The following TPM3 variants were observed in gnomAD, a reference collection of about 807,000 sequenced individuals.
TPM3 encodes the protein tropomyosin alpha-3 chain.
Under a neutral mutation model 43.1 loss-of-function variants are expected in TPM3, and 16 were observed. That is an observed-to-expected ratio of 0.37 (90% confidence interval 0.25 to 0.56). The LOEUF is 0.56. Among genes scored for constraint, TPM3 ranks in the 20% least tolerant of loss-of-function variants. The pLI, the probability that TPM3 is intolerant of heterozygous loss-of-function variation, is 0.77. For missense variants in TPM3, 176 were observed against 337.2 expected (o/e 0.52, Z 3.74); for synonymous variants, 101 against 116.9 (o/e 0.86, Z 0.88).
At chr1:154,169,978 C>T in intron 8 of TPM3, 1 of 273,036 alleles carries the variant, frequency 3.7e-6, no homozygotes, top group South Asian at 3.9e-5. Context: ...ATGGTTATTC[C>T]ACAACTTCAT....
At position 154,163,104 on chromosome 1, in the gene TPM3, C is replaced by T. The variant is rs1275571201; in HGVS notation, c.*4833G>A. Among the ~76,000 whole-genome samples, 3 of 152,114 alleles carry T rather than the reference C, an allele frequency of 2.0e-5. No homozygotes were observed. Among genetic ancestry groups the T allele is most frequent in the African/African-American group, 4.8e-5 (2 of 41,420 alleles). ...GATTACAGGCATGAGCCACCATGCCCGGTCTACTTCCTTCCTTTCTAAGAA... is the reference window on the plus strand; with the variant it reads ...GATTACAGGCATGAGCCACCATGCCTGGTCTACTTCCTTCCTTTCTAAGAA... On this transcript the variant is annotated 3_prime_UTR_variant, in exon 10 of 10. Coordinates refer to ENST00000651641, the MANE Select transcript of TPM3 (RefSeq NM_152263.4).
At chr1:154,161,395 T>C (rs890608982), downstream of TPM3, among the ~76,000 whole-genome samples, 3 of 151,812 alleles carry the variant, frequency 2.0e-5, no homozygotes, top group Non-Finnish European at 4.4e-5. Context: ...CCAAGTTAGT[T>C]TGTGTGATTC....
Position 154,166,375 on chromosome 1 carries a change from T to C in TPM3, c.*1562A>G, listed in dbSNP as rs914011278. 2.6e-5 allele frequency: 8 copies of C among 302,210 alleles called. No individual in the cohort carries two copies. Among genetic ancestry groups the C allele is most frequent in the Non-Finnish European group, 4.4e-5 (8 of 183,508 alleles). The allele number at this position is 302,210 out of a possible 1,614,324, so 18.7% of individuals were successfully genotyped here. On this transcript the variant is annotated 3_prime_UTR_variant, in exon 10 of 10. Transcript: ENST00000651641. ...CGACCTGGGCCAGTTCACCCCTTCTTAGGCAACCTTGTTGTTCTCCACTCC... is the reference window on the plus strand; with the variant it reads ...CGACCTGGGCCAGTTCACCCCTTCTCAGGCAACCTTGTTGTTCTCCACTCC...
chr1:154,180,054 T>C lies in TPM3; in HGVS notation c.244-3806A>G, dbSNP rs917828585. ...TAAGGAAAAAGACTGCATTTAAACA[T>C]TATGTTGCCATCTGTTTCCATTTAG... On this transcript the variant is annotated intron_variant, in intron 2 of 9. Transcript: ENST00000651641. Among the ~76,000 whole-genome samples the C allele has an allele frequency of 1.2e-4, 18 of 151,966 alleles. No individual in the cohort carries two copies. In the East Asian group the frequency reaches 3.5e-3, roughly 29 times the overall value.
chr1:154,174,362 A>ATG (rs1260809833), intron 3 of TPM3, among the ~76,000 whole-genome samples: 1 of 39,656 alleles, frequency 2.5e-5, no homozygotes, highest in Non-Finnish European at 4.4e-5. Context: ...TTATTTAAAT[A>ATG]TATGTGTATA....
downstream of TPM3, chr1:154,155,543 T>C (rs777996896): frequency 6.4e-5 from 15 of 236,022 alleles, no homozygotes; most frequent in Non-Finnish European, 1.1e-4. Flanking sequence ...CAGGCCAGAA[T>C]GCAGGAAATG....
At chr1:154,156,789 A>G (rs1051370), downstream of TPM3, 63,890 of 199,240 alleles carry the variant, frequency 0.32, 11,440 homozygotes, top group East Asian at 0.48. Context: ...AGAAAAGGGT[A>G]ATGAGATGAG....
intron 2 of TPM3, among the ~76,000 whole-genome samples, chr1:154,188,524 A>C (rs1054082048): frequency 6.7e-6 from 1 of 150,300 alleles, no homozygotes; most frequent in African/African-American, 2.5e-5. Context: ...AAATACAAAA[A>C]ATTAGCCGGG....
chr1:154,175,975 G>A lies in TPM3; in HGVS notation c.377+140C>T, dbSNP rs142786469. 136 of 1,402,754 alleles carry A rather than the reference G, an allele frequency of 9.7e-5. No individual in the cohort carries two copies. In the African/African-American group the frequency reaches 1.3e-3, roughly 13 times the overall value. 86.9% of individuals were successfully genotyped at this position (1,402,754 alleles called of 1,614,324 possible). A position where few individuals can be genotyped will look rare whatever the true frequency, so the allele number is the denominator to read the frequency against. On this transcript the variant is annotated intron_variant, in intron 3 of 9. Coordinates refer to ENST00000651641, the MANE Select transcript of TPM3 (RefSeq NM_152263.4). ...GCTTGAGCCACCCTCCTGCCTCAGCGTCCCAAAGTGCTGGGATTACAGGCG... is the reference window on the plus strand; with the variant it reads ...GCTTGAGCCACCCTCCTGCCTCAGCATCCCAAAGTGCTGGGATTACAGGCG...
At chr1:154,176,325 G>C in intron 2 of TPM3, 77 bp from the exon 3 acceptor site, 1 of 1,605,094 alleles carries the variant, frequency 6.2e-7, no homozygotes, top group Non-Finnish European at 8.5e-7. Context: ...ATTAAGATCA[G>C]GGTTGACTAC....
intron 2 of TPM3, 63 bp from the exon 3 acceptor site, chr1:154,176,311 T>C: frequency 1.9e-6 from 3 of 1,612,050 alleles, no homozygotes; most frequent in Non-Finnish European, 1.7e-6. Context: ...GAAATAACTA[T>C]GACATTAAGA....
At chr1:154,171,676 G>C (rs1661592539) in intron 5 of TPM3, 188 bp from the exon 6 acceptor site, 1 of 687,228 alleles carries the variant, frequency 1.5e-6, no homozygotes, top group Non-Finnish European at 2.5e-6. Context: ...AACGTGTCAG[G>C]AGCTAGACCT....
At chr1:154,172,146 G>C in intron 5 of TPM3, 1 of 1,605,506 alleles carries the variant, frequency 6.2e-7, no homozygotes, top group Non-Finnish European at 8.5e-7. Context: ...CCAGGTTGTG[G>C]GGAGGGAGAA....
intron 2 of TPM3, chr1:154,182,850 C>T: frequency 1.5e-6 from 2 of 1,330,402 alleles, no homozygotes; most frequent in Non-Finnish European, 2.1e-6. Flanking sequence ...TGAGCCCCAC[C>T]CATCCTCCGA....
At chr1:154,177,865 T>C (rs1221380452) in intron 2 of TPM3, among the ~76,000 whole-genome samples, 5 of 152,154 alleles carry the variant, frequency 3.3e-5, no homozygotes, top group African/African-American at 4.8e-5. Flanking sequence ...GGGGCTACAA[T>C]CTAGCCACCA....
intron 3 of TPM3, among the ~76,000 whole-genome samples, chr1:154,174,406 A>ATATATATATG (rs1662034700): frequency 8.2e-6 from 1 of 122,376 alleles, no homozygotes; most frequent in Non-Finnish European, 1.6e-5. Context: ...ATATATATAT[A>ATATATATATG]TACACACAAA....
At chr1:154,169,211 A>C in intron 9 of TPM3, 94 bp downstream of exon 9, 1 of 1,278,710 alleles carries the variant, frequency 7.8e-7, no homozygotes, top group Admixed American at 1.7e-5. Context: ...CTAGTTTCCA[A>C]AGGATAAAAC....
At position 154,172,340 on chromosome 1, in the gene TPM3, C is replaced by A. The variant is rs779506096; in HGVS notation, c.566+568G>T. On this transcript the variant is annotated intron_variant, in intron 5 of 9. Transcript: ENST00000651641. ...TTAATCAAGGCCCAGAAGGTACCGA[C>A]GGGAGAGCAGTTAATATCTACCCTT... 1.6e-5 allele frequency: 11 copies of A among 685,082 alleles called. No individual in the cohort carries two copies. The East Asian group carries it at 3.2e-4, about 20-fold the overall frequency. The allele number at this position is 685,082 out of a possible 1,614,324, so 42.4% of individuals were successfully genotyped here. A position where few individuals can be genotyped will look rare whatever the true frequency, so the allele number is the denominator to read the frequency against.
At chr1:154,158,297 G>T (rs561365290), downstream of TPM3, among the ~76,000 whole-genome samples, 14 of 152,306 alleles carry the variant, frequency 9.2e-5, no homozygotes, top group African/African-American at 3.1e-4. Context: ...AGCAAACCTT[G>T]AGATTGCTGC....
Sources: gnomAD v4.1 joint callset for allele counts (sites outside exome capture counted in the v4.1 genomes callset) on GRCh38, gnomAD v4.1.1 for gene constraint, MANE v1.5 for transcripts, NCBI Gene and HGNC (gene_info 2026-07-23, HGNC 2026-07-21) for gene names.